MVK: variants seen among roughly 807,000 people sequenced by gnomAD.
MVK encodes the protein LH receptor mRNA-binding protein.
Under a neutral mutation model 43.2 loss-of-function variants are expected in MVK, and 34 were observed. The observed-to-expected ratio is 0.79, with a 90% CI of 0.60 to 1.05. The LOEUF is 1.05. Among genes scored for constraint, MVK ranks in the 50% least tolerant of loss-of-function variants. The pLI is 0.00. For missense variants in MVK, 395 were observed against 504.0 expected (o/e 0.78, Z 2.07); for synonymous variants, 190 against 219.8 (o/e 0.86, Z 1.20).
chr12:109,573,740 G>C, upstream of MVK: 2 of 548,766 alleles, frequency 3.6e-6, no homozygotes, highest in South Asian at 2.0e-5. Context: ...CCGGGCTCGC[G>C]CGCTCTGATT....
At position 109,598,080 on chromosome 12, in the gene MVK, A is replaced by C. The variant is rs1885992800; in HGVS notation, c.*1503A>C. On this transcript the variant is annotated 3_prime_UTR_variant, in exon 11 of 11. Coordinates refer to ENST00000228510, the MANE Select transcript of MVK (RefSeq NM_000431.4). ...GGCTGTTCCCTGCCCCTTCCCTTCA[A>C]AACACAACGCATAAAGCAGTAATAC... The C allele has an allele frequency of 6.6e-6, 1 of 152,246 alleles. No individual in the cohort carries two copies. The allele number at this position is 152,246 out of a possible 1,614,324, so 9.4% of individuals were successfully genotyped here.
intron 5 of MVK, among the ~76,000 whole-genome samples, chr12:109,584,376 C>T (rs72648006): frequency 1.3e-5 from 2 of 152,196 alleles, no homozygotes; most frequent in Non-Finnish European, 1.5e-5. Flanking sequence ...AGTGATTGAA[C>T]CAGGCCCCCA....
At position 109,581,436 on chromosome 12, in the gene MVK, C is replaced by T. The variant is rs1885211566; in HGVS notation, c.413C>T (p.Pro138Leu). ...SLDIVVWSEL[P>L]PGAGLGSSAA... The stretch of plus-strand genomic sequence containing the variant: ...GATATCGTAGTGTGGTCGGAGCTGC[C>T]CCCCGGGGCGGGCTTGGGCTCCAGC... Residue 138 changes from proline (P) to leucine (L), a missense_variant, in exon 5 of 11, where the codon CCC becomes CTC. Pro to Leu is a moderately conservative substitution (Grantham distance 98, BLOSUM62 -3). Coordinates refer to ENST00000228510, the MANE Select transcript of MVK (RefSeq NM_000431.4). The T allele has an allele frequency of 1.5e-5, 25 of 1,614,116 alleles. No homozygotes were observed. Among genetic ancestry groups the T allele is most frequent in the Non-Finnish European group, 2.0e-5 (24 of 1,180,004 alleles).
intron 6 of MVK, among the ~76,000 whole-genome samples, chr12:109,586,530 G>T (rs1003927381): frequency 1.3e-5 from 2 of 152,194 alleles, no homozygotes; most frequent in African/African-American, 4.8e-5. Context: ...CAGTCTGGAG[G>T]GAGGGGGACC....
chr12:109,579,669 G>C lies in MVK; in HGVS notation c.227-133G>C, dbSNP rs1885126302. 3.2e-6 allele frequency: 4 copies of C among 1,240,024 alleles called. No homozygotes were observed. In the Admixed American group the frequency reaches 7.7e-5, roughly 24 times the overall value. The allele number at this position is 1,240,024 out of a possible 1,614,324, so 76.8% of individuals were successfully genotyped here. A position where few individuals can be genotyped will look rare whatever the true frequency, so the allele number is the denominator to read the frequency against. ...AAAGCCAATGAACAGACTTGGGTGT[G>C]GGGTTCAGACCATAAATTCGTGTCC... On this transcript the variant is annotated intron_variant, in intron 3 of 10. Transcript: ENST00000228510.
chr12:109,588,671 G>T (rs542179487), intron 7 of MVK: 1 of 152,340 alleles, frequency 6.6e-6, no homozygotes, highest in African/African-American at 2.4e-5. Flanking sequence ...CAGAAGCGGT[G>T]GCTCTGAAGT....
chr12:109,580,738 A>G (rs1249587648), intron 4 of MVK, among the ~76,000 whole-genome samples: 4 of 152,194 alleles, frequency 2.6e-5, no homozygotes, highest in African/African-American at 9.7e-5. Flanking sequence ...ATGAAGTTTG[A>G]CAGTTCTTGC....
chr12:109,590,927 G>C, intron 8 of MVK, 66 bp downstream of exon 8: 1 of 1,540,182 alleles, frequency 6.5e-7, no homozygotes. Context: ...CTGGATTTTC[G>C]AGGTCTCCCT....
intron 7 of MVK, chr12:109,589,691 A>G (rs1408917675): frequency 1.3e-5 from 2 of 152,104 alleles, no homozygotes; most frequent in African/African-American, 2.4e-5. Flanking sequence ...TTCCAGCCCT[A>G]TTGGATTTTA....
chr12:109,592,285 T>G (rs573137354), intron 9 of MVK, among the ~76,000 whole-genome samples: 1 of 152,312 alleles, frequency 6.6e-6, no homozygotes, highest in East Asian at 1.9e-4. Flanking sequence ...GCTATGAGCT[T>G]AGGGAACCAA....
At chr12:109,585,542 T>A (rs1476815229) in intron 5 of MVK, among the ~76,000 whole-genome samples, 1 of 152,126 alleles carries the variant, frequency 6.6e-6, no homozygotes, top group Non-Finnish European at 1.5e-5. Flanking sequence ...ATCCCAGCAC[T>A]TTGGGAGGCC....
At chr12:109,586,190 G>A in intron 6 of MVK, 65 bp downstream of exon 6, 1 of 1,257,686 alleles carries the variant, frequency 8.0e-7, no homozygotes, top group Non-Finnish European at 1.1e-6. Context: ...AATGGTAGGT[G>A]CCCAAGAGTC....
upstream of MVK, chr12:109,573,695 A>G: frequency 1.6e-6 from 1 of 638,414 alleles, no homozygotes; most frequent in Non-Finnish European, 2.8e-6. Context: ...TGCAACACCT[A>G]TTGACCAATG....
At chr12:109,586,169 A>C (rs772356872) in intron 6 of MVK, 44 bp downstream of exon 6, 3 of 1,477,432 alleles carry the variant, frequency 2.0e-6, no homozygotes, top group South Asian at 1.2e-5. Flanking sequence ...TATTTTAAAA[A>C]TTCTTATTAC....
intron 9 of MVK, among the ~76,000 whole-genome samples, chr12:109,592,237 G>A (rs1243599170): frequency 6.6e-6 from 1 of 152,182 alleles, no homozygotes; most frequent in Non-Finnish European, 1.5e-5. Context: ...AAAATGCTTG[G>A]AGTCTCATGG....
At chr12:109,573,488 G>T, upstream of MVK, 1 of 1,597,960 alleles carries the variant, frequency 6.3e-7, no homozygotes, top group Non-Finnish European at 8.5e-7. Context: ...CATGAGCCAG[G>T]CTGCTTGACG....
In MVK at chr12:109,595,060, T is replaced by A; in HGVS notation, c.918T>A (p.Asn306Lys). 6.2e-7 allele frequency: 1 copy of A among 1,614,244 alleles called. No individual in the cohort carries two copies. The highest frequency in any genetic ancestry group is 8.5e-7 in the Non-Finnish European group (1 of 1,180,032). ...TTGACATGAACCAGCACCATCTGAA[T>A]GCCCTCGGCGTGGGCCACGCCTCTC... ...ELIDMNQHHL[N>K]ALGVGHASLD... Residue 306 changes from asparagine to lysine, a missense_variant, in exon 10 of 11, where the codon AAT (asparagine) becomes AAA (lysine). By Grantham distance (94) the Asn-to-Lys change is moderately conservative. Coordinates refer to ENST00000228510, the MANE Select transcript of MVK (RefSeq NM_000431.4). This position sits in a 1 kb window ranked among gnomAD's most constrained non-coding sequence, Gnocchi z 5.9.
rs994819118 is a variant in MVK at position 109,595,293 on chromosome 12, G to T, written c.1039+112G>T. 2 of 1,400,580 alleles carry T rather than the reference G, an allele frequency of 1.4e-6. No homozygotes were observed. The highest frequency in any genetic ancestry group is 1.9e-6 in the Non-Finnish European group (2 of 1,033,472). The allele number at this position is 1,400,580 out of a possible 1,614,324, so 86.8% of individuals were successfully genotyped here. On this transcript the variant is annotated intron_variant, in intron 10 of 10. Coordinates refer to ENST00000228510, the MANE Select transcript of MVK (RefSeq NM_000431.4). The surrounding 1 kb of genome is among the most constrained non-coding windows in gnomAD (Gnocchi z 5.9). ...CCTGGAAACAGGTCTCAGCTCCGCTGTGTGGCCTTGGGCAAGTTAGTTAAC... is the reference window on the plus strand; with the variant it reads ...CCTGGAAACAGGTCTCAGCTCCGCTTTGTGGCCTTGGGCAAGTTAGTTAAC...
chr12:109,578,565 CT>C (rs1214799407), intron 3 of MVK, among the ~76,000 whole-genome samples: 1 of 152,192 alleles, frequency 6.6e-6, no homozygotes, highest in Non-Finnish European at 1.5e-5. Flanking sequence ...TCAGGTTACA[CT>C]TGTTGGTGAC....
Sources: allele counts gnomAD v4.1 joint callset (sites outside exome capture counted in the v4.1 genomes callset), GRCh38; gene constraint gnomAD v4.1.1; non-coding constraint Gnocchi (gnomAD v3.1); transcripts MANE v1.5; gene names NCBI Gene and HGNC (gene_info 2026-07-23, HGNC 2026-07-21).